Variants in DMRTA1 observed in about 807,000 individuals in gnomAD.
The protein encoded by DMRTA1 is DMRT like family A1, also known as doublesex- and mab-3-related transcription factor A1.
Under a neutral mutation model 35.2 loss-of-function variants are expected in DMRTA1, and 34 were observed. The observed-to-expected ratio is 0.97, with a 90% CI of 0.74 to 1.29. The LOEUF (loss-of-function observed/expected upper bound fraction) is 1.29, where lower values mean the gene tolerates loss of function less well. Among genes scored for constraint, DMRTA1 ranks in the 50% most tolerant of loss-of-function variants. The pLI, the probability that DMRTA1 is intolerant of heterozygous loss-of-function variation, is 0.00. For synonymous variants in DMRTA1, 344 were observed against 276.6 expected, an observed-to-expected ratio of 1.24 and a Z score of -2.42; for missense variants, 824 against 644.6, an observed-to-expected ratio of 1.28 and a Z score of -3.01.
chr9:22,450,103 G>A (rs1356321039), intron 1 of DMRTA1, among the ~76,000 whole-genome samples: 2 of 151,958 alleles, frequency 1.3e-5, no homozygotes, highest in Non-Finnish European at 2.9e-5. Flanking sequence ...CCTAGTAAAG[G>A]GTATTAACAT....
rs1217709507 is a variant in DMRTA1 at position 22,447,022 on chromosome 9, A to G, written c.-44A>G. On this transcript the variant is annotated 5_prime_UTR_variant, in exon 1 of 2. Transcript: ENST00000325870. ...CCTCCCAGCAGGGTTAGCTGCGGTC[A>G]GCGCACTTTCCACTTGGGACTCCCG... 1 of 1,580,576 alleles carries G rather than the reference A, an allele frequency of 6.3e-7. No individual in the cohort carries two copies. The highest frequency in any genetic ancestry group is 8.6e-7 in the Non-Finnish European group (1 of 1,164,370).
rs748778435 is a variant in DMRTA1 at position 22,451,072 on chromosome 9, G to C, written c.676G>C (p.Glu226Gln). ...TTCCCCCTCTTCTCCAGAACAAAAA[G>C]AGAGTAAATGTGAGTCATGCCAGAA... ...DYPEEKQEQK[E>Q]SKCESCQNGQ... The change falls in exon 2 of 2, where the codon GAG becomes CAG. Residue 226 changes from glutamate to glutamine, a missense_variant. By Grantham distance (29) the Glu-to-Gln change is conservative. Transcript: ENST00000325870. 29 of 1,609,678 alleles carry C rather than the reference G, an allele frequency of 1.8e-5. No individual in the cohort carries two copies. Among genetic ancestry groups the C allele is most frequent in the Non-Finnish European group, 2.3e-5 (27 of 1,178,064 alleles).
At chr9:22,450,967 G>T in intron 1 of DMRTA1, 97 bp from the exon 2 acceptor site, 1 of 1,217,110 alleles carries the variant, frequency 8.2e-7, no homozygotes, top group Non-Finnish European at 1.1e-6. Flanking sequence ...TAATAGGAGT[G>T]AATTAATTAT....
chr9:22,450,915 G>A, intron 1 of DMRTA1, 149 bp from the exon 2 acceptor site: 2 of 786,028 alleles, frequency 2.5e-6, no homozygotes, highest in East Asian at 5.5e-5. Context: ...TTAAATTTGA[G>A]TTATTCATTA....
chr9:22,454,942 A>C lies in DMRTA1; in HGVS notation c.*3031A>C, dbSNP rs1719933388. 6.6e-6 allele frequency: 1 copy of C among 152,170 alleles called. No individual in the cohort carries two copies. 9.4% of individuals were successfully genotyped at this position (152,170 alleles called of 1,614,324 possible). A position where few individuals can be genotyped will look rare whatever the true frequency, so the allele number is the denominator to read the frequency against. ...TAATATTGGGACTGAATCATTTTGT[A>C]GCTCATTAGAAACATGGAAAGTATT... On this transcript the variant is annotated 3_prime_UTR_variant, in exon 2 of 2. Coordinates refer to ENST00000325870, the MANE Select transcript of DMRTA1 (RefSeq NM_022160.3).
intron 1 of DMRTA1, among the ~76,000 whole-genome samples, chr9:22,450,715 T>A (rs925925409): frequency 6.6e-6 from 1 of 152,138 alleles, no homozygotes; most frequent in Non-Finnish European, 1.5e-5. Flanking sequence ...TTTAGGAAGA[T>A]CCCACACAAC....
At position 22,452,220 on chromosome 9, in the gene DMRTA1, G is replaced by T; in HGVS notation, c.*309G>T. 5.1e-6 allele frequency: 1 copy of T among 196,064 alleles called. No homozygotes were observed. Among genetic ancestry groups the T allele is most frequent in the Non-Finnish European group, 1.0e-5 (1 of 95,838 alleles). 12.1% of individuals were successfully genotyped at this position (196,064 alleles called of 1,614,324 possible). ...TGTAAACATTTTTATTTTAAAACTA[G>T]TTTTTATTTTATTGAAAAGTGGAAT... On this transcript the variant is annotated 3_prime_UTR_variant, in exon 2 of 2. Transcript: ENST00000325870.
Position 22,453,781 on chromosome 9 carries a change from C to G in DMRTA1, c.*1870C>G, listed in dbSNP as rs1818967090. Reference sequence around the variant, plus strand: ...ATTCAGGTTAGATTCCTTGGTGATTCTTCAGTTGTTTCTATTGCATTAATC... The same window carrying G: ...ATTCAGGTTAGATTCCTTGGTGATTGTTCAGTTGTTTCTATTGCATTAATC... On this transcript the variant is annotated 3_prime_UTR_variant, in exon 2 of 2. Transcript: ENST00000325870. 1 of 151,854 alleles carries G rather than the reference C, an allele frequency of 6.6e-6. No homozygotes were observed. The highest frequency in any genetic ancestry group is 1.5e-5 in the Non-Finnish European group (1 of 67,884). The allele number at this position is 151,854 out of a possible 1,614,324, so 9.4% of individuals were successfully genotyped here.
In DMRTA1 at chr9:22,451,348, A is replaced by G. The variant is rs771032631; in HGVS notation, c.952A>G (p.Ser318Gly). ...WVKDLTATKA[S>G]LPTVSSRPRD... ...CAAAGACTTGACTGCGACCAAGGCA[A>G]GCCTTCCGACAGTGTCCTCAAGACC... Residue 318 changes from serine (S) to glycine (G), a missense_variant, in exon 2 of 2, where the codon AGC (serine) becomes GGC (glycine). Ser to Gly is a moderately conservative substitution (Grantham distance 56). Coordinates refer to ENST00000325870, the MANE Select transcript of DMRTA1 (RefSeq NM_022160.3). 1.2e-6 allele frequency: 2 copies of G among 1,614,144 alleles called. No individual in the cohort carries two copies. The highest frequency in any genetic ancestry group is 1.1e-5 in the South Asian group (1 of 91,084).
chr9:22,451,855 A>G lies in DMRTA1; in HGVS notation c.1459A>G (p.Lys487Glu). The change falls in exon 2 of 2, where the codon AAA becomes GAA. Residue 487 changes from lysine (K) to glutamate (E), a missense_variant. Transcript: ENST00000325870. ...MIRDSSYLSS[K>E]DSITCGRLYF... ...TAGAGATTCTTCCTACCTTTCCAGT[A>G]AAGACTCAATAACTTGTGGCAGACT... 6.2e-7 allele frequency: 1 copy of G among 1,614,046 alleles called. No homozygotes were observed. Among genetic ancestry groups the G allele is most frequent in the African/African-American group, 1.3e-5 (1 of 75,040 alleles).
rs918308013 is a variant in DMRTA1 at position 22,453,453 on chromosome 9, G to A, written c.*1542G>A. The A allele has an allele frequency of 1.3e-5, 2 of 152,030 alleles. No individual in the cohort carries two copies. The highest frequency in any genetic ancestry group is 2.9e-5 in the Non-Finnish European group (2 of 67,930). The allele number at this position is 152,030 out of a possible 1,614,324, so 9.4% of individuals were successfully genotyped here. On this transcript the variant is annotated 3_prime_UTR_variant, in exon 2 of 2. Coordinates refer to ENST00000325870, the MANE Select transcript of DMRTA1 (RefSeq NM_022160.3). ...TTCAGAGTATCTGATGCTGATTTAGGATGTAAATGTGTTTATTAGGTTATG... is the reference window on the plus strand; with the variant it reads ...TTCAGAGTATCTGATGCTGATTTAGAATGTAAATGTGTTTATTAGGTTATG...
chr9:22,447,287 C>A lies in DMRTA1; in HGVS notation c.222C>A (p.Cys74Ter). Residue 74 changes from cysteine to a stop codon, truncating the protein, a stop_gained, in exon 1 of 2, where the codon TGC becomes TGA. Transcript: ENST00000325870. LOFTEE classifies it high-confidence loss of function. ...CCGCCACCTCGGGAAGCGGAGGCTG[C>A]CCGCCGGCTCCCGGGCTGGAGAGCG... ...AAAATSGSGG[C>*]PPAPGLESGV... The A allele has an allele frequency of 6.6e-7, 1 of 1,504,496 alleles. No homozygotes were observed. Among genetic ancestry groups the A allele is most frequent in the Middle Eastern group, 1.9e-4 (1 of 5,346 alleles). 93.2% of individuals were successfully genotyped at this position (1,504,496 alleles called of 1,614,324 possible). A position where few individuals can be genotyped will look rare whatever the true frequency, so the allele number is the denominator to read the frequency against.
chr9:22,449,026 G>C (rs1008515023), intron 1 of DMRTA1, among the ~76,000 whole-genome samples: 2 of 152,212 alleles, frequency 1.3e-5, no homozygotes, highest in Non-Finnish European at 2.9e-5. Flanking sequence ...GTGAGACACT[G>C]ATTTATGTGA....
At position 22,451,144 on chromosome 9, in the gene DMRTA1, T is replaced by G. The variant is rs1283219932; in HGVS notation, c.748T>G (p.Ser250Ala). ...ISKSHQLYLG[S>A]SSRSNGVIGK... ...CAAATCCCATCAGCTTTACCTAGGATCATCTTCTAGGTCTAATGGTGTCAT... is the reference window on the plus strand; with the variant it reads ...CAAATCCCATCAGCTTTACCTAGGAGCATCTTCTAGGTCTAATGGTGTCAT... Residue 250 changes from serine to alanine, a missense_variant, in exon 2 of 2, where the codon TCA becomes GCA. Coordinates refer to ENST00000325870, the MANE Select transcript of DMRTA1 (RefSeq NM_022160.3). The G allele has an allele frequency of 1.2e-6, 2 of 1,613,832 alleles. No homozygotes were observed. The highest frequency in any genetic ancestry group is 3.3e-5 in the Admixed American group (2 of 59,994).
rs1818942971 is a variant in DMRTA1 at position 22,452,252 on chromosome 9, T to C, written c.*341T>C. ...TTTTATTGAAAAGTGGAATTTTTAGTGATAAAATACATTTGTAAGTGTAAA... is the reference window on the plus strand; with the variant it reads ...TTTTATTGAAAAGTGGAATTTTTAGCGATAAAATACATTTGTAAGTGTAAA... On this transcript the variant is annotated 3_prime_UTR_variant, in exon 2 of 2. Transcript: ENST00000325870. 5.0e-6 allele frequency: 1 copy of C among 199,168 alleles called. No individual in the cohort carries two copies. The highest frequency in any genetic ancestry group is 2.4e-5 in the African/African-American group (1 of 42,476). The allele number at this position is 199,168 out of a possible 1,614,324, so 12.3% of individuals were successfully genotyped here.
intron 1 of DMRTA1, among the ~76,000 whole-genome samples, chr9:22,448,781 C>T (rs140941317): frequency 7.9e-5 from 12 of 152,112 alleles, no homozygotes; most frequent in Non-Finnish European, 1.6e-4. Flanking sequence ...ACAGTACATT[C>T]GAAAAATTCT....
rs1307213148 is a variant in DMRTA1, at chr9:22,451,865, T to A, written c.1469T>A (p.Ile490Lys). 2 of 1,613,888 alleles carry A rather than the reference T, an allele frequency of 1.2e-6. No homozygotes were observed. The highest frequency in any genetic ancestry group is 2.7e-5 in the African/African-American group (2 of 74,906). ...TCCTACCTTTCCAGTAAAGACTCAA[T>A]AACTTGTGGCAGACTGTACTTCAGA... ...DSSYLSSKDS[I>K]TCGRLYFRPN... Residue 490 changes from isoleucine (I) to lysine (K), a missense_variant, in exon 2 of 2, where the codon ATA (isoleucine) becomes AAA (lysine). Coordinates refer to ENST00000325870, the MANE Select transcript of DMRTA1 (RefSeq NM_022160.3).
At chr9:22,450,992 T>C (rs748876077) in intron 1 of DMRTA1, 72 bp from the exon 2 acceptor site, 6 of 1,445,062 alleles carry the variant, frequency 4.2e-6, no homozygotes, top group Non-Finnish European at 5.6e-6. Context: ...TCCAGCATTA[T>C]TTTTGAGTGA....
chr9:22,447,181 C>G lies in DMRTA1; in HGVS notation c.116C>G (p.Ser39Trp). 1 of 1,600,536 alleles carries G rather than the reference C, an allele frequency of 6.2e-7. No individual in the cohort carries two copies. The highest frequency in any genetic ancestry group is 1.1e-5 in the South Asian group (1 of 90,228). Residue 39 changes from serine (S) to tryptophan (W), a missense_variant, in exon 1 of 2, where the codon TCG (serine) becomes TGG (tryptophan). Physicochemically the swap from Ser to Trp is radical, Grantham distance 177 (BLOSUM62 -3). Transcript: ENST00000325870. ...CCGTCCCCGGCGTTGCCGGTACCATCGGGGATGCAGGTTCCCCCAGCGTTC... is the reference window on the plus strand; with the variant it reads ...CCGTCCCCGGCGTTGCCGGTACCATGGGGGATGCAGGTTCCCCCAGCGTTC... ...PPPSPALPVP[S>W]GMQVPPAFLR...
Sources: allele counts gnomAD v4.1 joint callset (sites outside exome capture counted in the v4.1 genomes callset), GRCh38; gene constraint gnomAD v4.1.1; transcripts MANE v1.5; gene names NCBI Gene and HGNC (gene_info 2026-07-23, HGNC 2026-07-21).